Variants in DCLK1 observed in about 807,000 individuals in gnomAD.
DCLK1 encodes the protein doublecortin like kinase 1.
In DCLK1, 16 loss-of-function variants were observed where a neutral mutation model predicts 86.2. That is an observed-to-expected ratio of 0.19 (90% CI 0.13 to 0.28). The LOEUF is 0.28. Among genes scored for constraint, DCLK1 ranks in the 10% least tolerant of loss-of-function variants. The pLI, the probability that DCLK1 is intolerant of heterozygous loss-of-function variation, is 1.00. For missense variants in DCLK1, 590 were observed against 940.2 expected (o/e 0.63, Z 4.87); for synonymous variants, 369 against 370.5 (o/e 1.00, Z 0.05).
At chr13:35,849,985 T>C in intron 6 of DCLK1, 5 of 964,878 alleles carry the variant, frequency 5.2e-6, no homozygotes, top group Non-Finnish European at 6.2e-6. Flanking sequence ...TATTGGCATA[T>C]AGCTTAAGCT....
At chr13:35,864,228 CACAG>C (rs901078405) in intron 5 of DCLK1, among the ~76,000 whole-genome samples, 1 of 152,126 alleles carries the variant, frequency 6.6e-6, no homozygotes, top group African/African-American at 2.4e-5. Context: ...CTAAGGGTTC[CACAG>C]ACAGAGATTC....
intron 3 of DCLK1, among the ~76,000 whole-genome samples, chr13:35,963,157 G>A (rs889049539): frequency 2.6e-5 from 4 of 152,014 alleles, no homozygotes; most frequent in African/African-American, 9.7e-5. Flanking sequence ...TCTGAGTGCC[G>A]GTTTTGTCTT....
intron 4 of DCLK1, among the ~76,000 whole-genome samples, chr13:35,941,315 T>C (rs1261661799): frequency 2.0e-5 from 3 of 152,216 alleles, no homozygotes; most frequent in Non-Finnish European, 2.9e-5. Context: ...GAATGGTACC[T>C]GATACAGCTT....
intron 3 of DCLK1, among the ~76,000 whole-genome samples, chr13:36,062,911 G>A (rs1015854048): frequency 6.6e-6 from 1 of 152,172 alleles, no homozygotes; most frequent in African/African-American, 2.4e-5. Flanking sequence ...CCTGACCCAA[G>A]TGTCATCTGC....
At chr13:36,014,802 A>G (rs1050228603) in intron 3 of DCLK1, among the ~76,000 whole-genome samples, 1 of 152,374 alleles carries the variant, frequency 6.6e-6, no homozygotes, top group South Asian at 2.1e-4. Flanking sequence ...ATAGATGTTT[A>G]AACTTAAGCT....
intron 3 of DCLK1, among the ~76,000 whole-genome samples, chr13:36,092,767 T>G (rs1399684711): frequency 1.3e-5 from 2 of 151,816 alleles, no homozygotes; most frequent in African/African-American, 2.4e-5. Context: ...ATTACAGGCG[T>G]GAGCCACCGC....
At chr13:35,807,714 G>A (rs546694369) in intron 14 of DCLK1, among the ~76,000 whole-genome samples, 22 of 152,232 alleles carry the variant, frequency 1.4e-4, no homozygotes, top group African/African-American at 4.6e-4. Flanking sequence ...CTTTTTTTGG[G>A]TAGAGAGATA....
intron 3 of DCLK1, among the ~76,000 whole-genome samples, chr13:35,964,660 A>C (rs1878633484): frequency 6.6e-6 from 1 of 152,230 alleles, no homozygotes; most frequent in South Asian, 2.1e-4. Flanking sequence ...AAATCTGAGC[A>C]TCAAAAAGAA....
intron 3 of DCLK1, among the ~76,000 whole-genome samples, chr13:36,063,969 G>A (rs7994912): frequency 0.015 from 2,299 of 152,244 alleles, 24 homozygotes; most frequent in Non-Finnish European, 0.026. Flanking sequence ...AACATGACCT[G>A]AAGGGTAGGT....
intron 2 of DCLK1, among the ~76,000 whole-genome samples, chr13:36,122,147 G>A (rs918348459): frequency 6.6e-6 from 1 of 152,152 alleles, no homozygotes; most frequent in Admixed American, 6.5e-5. Flanking sequence ...AATAGGAAAA[G>A]ATGGGTAACC....
intron 3 of DCLK1, among the ~76,000 whole-genome samples, chr13:36,052,017 AG>A (rs1224412400): frequency 6.6e-6 from 1 of 152,192 alleles, no homozygotes; most frequent in Non-Finnish European, 1.5e-5. Context: ...AGGAAGCCTG[AG>A]CCCCCCAGGT....
intron 3 of DCLK1, among the ~76,000 whole-genome samples, chr13:36,027,774 C>G (rs1882102983): frequency 6.6e-6 from 1 of 152,184 alleles, no homozygotes; most frequent in Non-Finnish European, 1.5e-5. Context: ...GCTCTGTCCC[C>G]CAGGCTGGAG....
chr13:36,096,794 G>A (rs1885036304), intron 3 of DCLK1, among the ~76,000 whole-genome samples: 1 of 152,162 alleles, frequency 6.6e-6, no homozygotes, highest in Admixed American at 6.5e-5. Flanking sequence ...GGGGCCCCAA[G>A]AAGGTAGGAG....
intron 4 of DCLK1, among the ~76,000 whole-genome samples, chr13:35,883,122 G>A (rs1377496612): frequency 6.6e-6 from 1 of 152,170 alleles, no homozygotes; most frequent in African/African-American, 2.4e-5. Context: ...AACCAAGTGA[G>A]GGGCTTGGGT....
intron 4 of DCLK1, 121 bp downstream of exon 4, chr13:35,947,237 G>A (rs1006343258): frequency 1.0e-5 from 6 of 598,540 alleles, no homozygotes; most frequent in South Asian, 8.0e-5. Flanking sequence ...GAAAAGACAC[G>A]CTGGGTGAGG....
chr13:35,877,763 T>C (rs1872669323), intron 4 of DCLK1, among the ~76,000 whole-genome samples: 1 of 152,210 alleles, frequency 6.6e-6, no homozygotes, highest in African/African-American at 2.4e-5. Context: ...AAAGGCAAGC[T>C]TCCTCTTAAT....
chr13:35,912,851 A>C (rs1875128394), intron 4 of DCLK1, among the ~76,000 whole-genome samples: 1 of 152,120 alleles, frequency 6.6e-6, no homozygotes. Flanking sequence ...CAGCAGAGCT[A>C]AGATAGCATT....
At chr13:35,871,374 G>A (rs370911558) in intron 4 of DCLK1, 34 bp from the exon 5 acceptor site, 668 of 1,533,266 alleles carry the variant, frequency 4.4e-4, no homozygotes, top group Non-Finnish European at 5.5e-4. Context: ...CATCATTATG[G>A]GGTAATGGCA....
At chr13:35,804,161 T>C (rs918200870) in intron 15 of DCLK1, among the ~76,000 whole-genome samples, 2 of 152,138 alleles carry the variant, frequency 1.3e-5, no homozygotes, top group Non-Finnish European at 2.9e-5. Context: ...GACAGAGTCT[T>C]GCTCTGTCAC....
Sources: gnomAD v4.1 joint callset for allele counts (sites outside exome capture counted in the v4.1 genomes callset) on GRCh38, gnomAD v4.1.1 for gene constraint, MANE v1.5 for transcripts, NCBI Gene and HGNC (gene_info 2026-07-23, HGNC 2026-07-21) for gene names.